Variants in CDC42BPA observed in about 807,000 individuals in gnomAD.
CDC42BPA encodes the protein CDC42 binding protein kinase alpha.
CDC42BPA carries 80 observed loss-of-function variants against 223.5 expected under a neutral mutation model. That is an observed-to-expected ratio of 0.36 (90% CI 0.30 to 0.43). CDC42BPA has a LOEUF of 0.43. CDC42BPA is among the 20% of genes least tolerant of loss of function. The probability of loss-of-function intolerance (pLI) is 1.00; values close to 1 mark genes in which losing one functional copy is unlikely to be tolerated. For synonymous variants in CDC42BPA, 694 were observed against 718.6 expected (o/e 0.97, Z 0.55); for missense variants, 1,743 against 2,099.9 (o/e 0.83, Z 3.32).
chr1:227,200,484 A>C (rs1008743232), intron 3 of CDC42BPA, among the ~76,000 whole-genome samples: 7 of 151,842 alleles, frequency 4.6e-5, no homozygotes, highest in African/African-American at 1.7e-4. Context: ...CAAAAACAAA[A>C]AAAATCTATG....
rs147854394 is a variant in CDC42BPA at position 227,232,447 on chromosome 1, G to A, written c.271-19228C>T. On this transcript the variant is annotated intron_variant, in intron 2 of 36. Transcript: ENST00000366766. ...AGCTTTGTCCGTCCAGCTTTGTTCC[G>A]TTGCTGGCAAGGAGCTGCGTTCCTT... Among the ~76,000 whole-genome samples the A allele has an allele frequency of 7.3e-3, 1,114 of 152,274 alleles. 15 individuals carry two copies. The highest frequency in any genetic ancestry group is 0.023 in the African/African-American group (947 of 41,540).
At chr1:226,999,869 T>C (rs1479200515) in intron 35 of CDC42BPA, among the ~76,000 whole-genome samples, 1 of 150,046 alleles carries the variant, frequency 6.7e-6, no homozygotes, top group Non-Finnish European at 1.5e-5. Context: ...AAACACCGCA[T>C]GTTCTCATTC....
At position 227,138,661 on chromosome 1, in the gene CDC42BPA, A is replaced by G. The variant is rs1167710234; in HGVS notation, c.1390+915T>C. ...GATAGGGAAATAGACTAGGGGAAAT[A>G]GCATGAAGAGCTGACTTGAGGTGAG... On this transcript the variant is annotated intron_variant, in intron 10 of 36. Coordinates refer to ENST00000366766, the MANE Select transcript of CDC42BPA (RefSeq NM_001394014.1). Among the ~76,000 whole-genome samples the G allele has an allele frequency of 2.0e-5, 3 of 152,154 alleles. No individual in the cohort carries two copies. In the South Asian group the frequency reaches 6.2e-4, roughly 31 times the overall value.
intron 1 of CDC42BPA, among the ~76,000 whole-genome samples, chr1:227,286,037 G>C (rs748866671): frequency 1.3e-5 from 2 of 152,112 alleles, no homozygotes; most frequent in Non-Finnish European, 2.9e-5. Flanking sequence ...TGCCTTCAGG[G>C]CCTTTTTCCC....
chr1:227,284,237 C>A (rs1688466842), intron 1 of CDC42BPA, among the ~76,000 whole-genome samples: 1 of 152,006 alleles, frequency 6.6e-6, no homozygotes. Context: ...TAAGAATTTG[C>A]ATTTCCTAAA....
intron 22 of CDC42BPA, among the ~76,000 whole-genome samples, chr1:227,048,602 T>C (rs1281954297): frequency 1.3e-5 from 2 of 151,752 alleles, no homozygotes; most frequent in Non-Finnish European, 2.9e-5. Flanking sequence ...TTTAGTCACA[T>C]ACCATATCTT....
At chr1:227,055,664 A>G (rs1674398009) in intron 21 of CDC42BPA, among the ~76,000 whole-genome samples, 1 of 152,126 alleles carries the variant, frequency 6.6e-6, no homozygotes, top group African/African-American at 2.4e-5. Flanking sequence ...GTCATTTTTT[A>G]TGTGCTAAAA....
intron 6 of CDC42BPA, among the ~76,000 whole-genome samples, chr1:227,156,422 CA>C: frequency 4.1e-4 from 1 of 2,414 alleles, no homozygotes; most frequent in Non-Finnish European, 3.2e-3. Flanking sequence ...CCCAAAGTCT[CA>C]AAGACTTTGA....
chr1:227,148,619 T>C (rs2149696320), intron 6 of CDC42BPA, among the ~76,000 whole-genome samples: 1 of 151,674 alleles, frequency 6.6e-6, no homozygotes, highest in South Asian at 2.1e-4. Flanking sequence ...ACAAAAAAAT[T>C]AGCCAGGCAT....
At chr1:227,011,792 C>T (rs1187539845) in intron 34 of CDC42BPA, among the ~76,000 whole-genome samples, 7 of 152,136 alleles carry the variant, frequency 4.6e-5, no homozygotes, top group African/African-American at 7.2e-5. Flanking sequence ...CTTCCGATTA[C>T]GCAGGAACTA....
intron 2 of CDC42BPA, among the ~76,000 whole-genome samples, chr1:227,244,964 T>C (rs773888875): frequency 2.4e-4 from 36 of 152,168 alleles, no homozygotes; most frequent in Non-Finnish European, 4.0e-4. Context: ...TGGAGGGGCA[T>C]TTGACTAGCT....
At chr1:227,288,514 C>T (rs1485925602) in intron 1 of CDC42BPA, among the ~76,000 whole-genome samples, 1 of 152,206 alleles carries the variant, frequency 6.6e-6, no homozygotes, top group Non-Finnish European at 1.5e-5. Flanking sequence ...GCCTAGCCAA[C>T]ATGGCAAAAC....
intron 10 of CDC42BPA, among the ~76,000 whole-genome samples, chr1:227,136,432 CAGA>C (rs1414151677): frequency 6.6e-6 from 1 of 152,074 alleles, no homozygotes; most frequent in African/African-American, 2.4e-5. Context: ...ATTACAGTCC[CAGA>C]AGGAGAGGAG....
At chr1:227,281,548 C>G (rs77218109) in intron 1 of CDC42BPA, among the ~76,000 whole-genome samples, 8,203 of 152,226 alleles carry the variant, frequency 0.054, 247 homozygotes, top group Non-Finnish European at 0.073. Context: ...AGAGCCCCCA[C>G]GCTTGCCAGT....
At chr1:227,104,872 T>C (rs1167678529) in intron 14 of CDC42BPA, among the ~76,000 whole-genome samples, 2 of 152,094 alleles carry the variant, frequency 1.3e-5, no homozygotes, top group Non-Finnish European at 2.9e-5. Flanking sequence ...TTTGAACTTC[T>C]AGCCTCCAGA....
intron 1 of CDC42BPA, among the ~76,000 whole-genome samples, chr1:227,286,198 T>C (rs1335856876): frequency 6.6e-6 from 1 of 152,244 alleles, no homozygotes; most frequent in Non-Finnish European, 1.5e-5. Flanking sequence ...AATTTTATGC[T>C]GTTTCCCTTT....
chr1:227,298,113 ATCTC>A (rs1040041008), intron 1 of CDC42BPA, among the ~76,000 whole-genome samples: 1 of 151,432 alleles, frequency 6.6e-6, no homozygotes, highest in African/African-American at 2.4e-5. Flanking sequence ...CTCAAAAAAA[ATCTC>A]TCTTTCTCAG....
chr1:227,231,315 A>C (rs1677915572), intron 2 of CDC42BPA, among the ~76,000 whole-genome samples: 2 of 152,022 alleles, frequency 1.3e-5, no homozygotes, highest in Non-Finnish European at 2.9e-5. Flanking sequence ...ACATGAACTC[A>C]TCCTTTTTAT....
chr1:227,098,674 A>C (rs1240154432), intron 15 of CDC42BPA, among the ~76,000 whole-genome samples: 2 of 151,808 alleles, frequency 1.3e-5, no homozygotes, highest in Non-Finnish European at 2.9e-5. Context: ...ACCTTTAAAG[A>C]TCATTAAAAT....
Sources: gnomAD v4.1 joint callset for allele counts (sites outside exome capture counted in the v4.1 genomes callset) on GRCh38, gnomAD v4.1.1 for gene constraint, MANE v1.5 for transcripts, NCBI Gene and HGNC (gene_info 2026-07-23, HGNC 2026-07-21) for gene names.